The following HERC2 variants were observed in gnomAD, a reference collection of about 807,000 sequenced individuals.
HERC2 encodes HECT and RLD domain containing E3 ubiquitin protein ligase 2.
HERC2 carries 102 observed loss-of-function variants against 537.7 expected under a neutral mutation model. The observed-to-expected ratio is 0.19, with a 90% CI of 0.16 to 0.22. HERC2 has a LOEUF of 0.22. HERC2 is among the 10% of genes least tolerant of loss of function. The probability of loss-of-function intolerance (pLI) is 1.00; values close to 1 mark genes in which losing one functional copy is unlikely to be tolerated. For missense variants in HERC2, 4,236 were observed against 6,198.2 expected (o/e 0.68, Z 10.63); for synonymous variants, 2,224 against 2,466.2 (o/e 0.90, Z 2.91).
chr15:28,262,793 C>G, intron 15 of HERC2, 125 bp downstream of exon 15: 1 of 981,938 alleles, frequency 1.0e-6, no homozygotes, highest in Non-Finnish European at 1.5e-6. Flanking sequence ...CATGGAATGT[C>G]AGGTTAAGAA....
chr15:28,221,014 C>T (rs1900473258), intron 36 of HERC2, among the ~76,000 whole-genome samples: 1 of 148,390 alleles, frequency 6.7e-6, no homozygotes. Flanking sequence ...GTGCCCTGCC[C>T]TGGTCCTTCC....
intron 21 of HERC2, 77 bp from the exon 22 acceptor site, chr15:28,246,974 C>G: frequency 1.7e-6 from 2 of 1,203,480 alleles, no homozygotes; most frequent in Non-Finnish European, 2.4e-6. Flanking sequence ...CTCCATGATG[C>G]TATTCTCATC....
chr15:28,142,724 T>C, intron 75 of HERC2, 103 bp downstream of exon 75: 1 of 1,286,970 alleles, frequency 7.8e-7, no homozygotes, highest in Non-Finnish European at 1.1e-6. Context: ...TACCTACAGC[T>C]GCCCTCAGAG....
intron 24 of HERC2, 115 bp downstream of exon 24, chr15:28,238,487 A>C: frequency 3.6e-6 from 3 of 834,746 alleles, no homozygotes; most frequent in Non-Finnish European, 5.7e-6. Context: ...CCACAGATAC[A>C]TTAAAATATG....
In HERC2 at chr15:28,117,274, T is replaced by C. The variant is rs1271983430; in HGVS notation, c.13273-120A>G. 3.0e-6 allele frequency: 3 copies of C among 1,006,008 alleles called. No individual in the cohort carries two copies. The African/African-American group carries it at 4.7e-5, about 16-fold the overall frequency. The allele number at this position is 1,006,008 out of a possible 1,614,324, so 62.3% of individuals were successfully genotyped here. On this transcript the variant is annotated intron_variant, in intron 86 of 92. Coordinates refer to ENST00000261609, the MANE Select transcript of HERC2 (RefSeq NM_004667.6). ...GCACCGTGCATGGGCCCCTCCCTGG[T>C]CACACACCTGCTTGTGTGGACGCCA... is the stretch of plus-strand genomic sequence containing the variant.
chr15:28,124,004 T>C lies in HERC2; in HGVS notation c.13188+33A>G, dbSNP rs1446278054. 6.6e-6 allele frequency: 10 copies of C among 1,526,308 alleles called. 1 individual carries two copies. In the South Asian group the frequency reaches 1.1e-4, roughly 18 times the overall value. 94.5% of individuals were successfully genotyped at this position (1,526,308 alleles called of 1,614,324 possible). A position where few individuals can be genotyped will look rare whatever the true frequency, so the allele number is the denominator to read the frequency against. ...GGGTTACATGTACTGAAGACACCAGTTTCCCCTAGAGCAAAGATTGCCACT... is the reference window on the plus strand; with the variant it reads ...GGGTTACATGTACTGAAGACACCAGCTTCCCCTAGAGCAAAGATTGCCACT... On this transcript the variant is annotated intron_variant, in intron 85 of 92. Coordinates refer to ENST00000261609, the MANE Select transcript of HERC2 (RefSeq NM_004667.6).
At chr15:28,163,059 T>C (rs756546399) in intron 69 of HERC2, 35 bp downstream of exon 69, 11 of 1,556,098 alleles carry the variant, frequency 7.1e-6, no homozygotes, top group African/African-American at 6.8e-5. Context: ...ATGGAGGAGG[T>C]GGAATCAGAC....
In HERC2 at chr15:28,215,767, G is replaced by A. The variant is rs374218320; in HGVS notation, c.6064C>T (p.Arg2022Trp). ...PNRLVYREQH[R>W]SWCTLGFVRS... The stretch of plus-strand genomic sequence containing the variant: ...ACAAACCCCAGCGTGCACCAGCTCC[G>A]GTGTTGCTCCCTGTACACCAGCCTG... The change falls in exon 39 of 93, where the codon CGG becomes TGG. Residue 2022 changes from arginine (R) to tryptophan (W), a missense_variant. Physicochemically the swap from Arg to Trp is moderately radical, Grantham distance 101. Transcript: ENST00000261609. The A allele has an allele frequency of 1.7e-5, 27 of 1,611,760 alleles. No homozygotes were observed. Among genetic ancestry groups the A allele is most frequent in the South Asian group, 4.4e-5 (4 of 90,992 alleles).
intron 23 of HERC2, among the ~76,000 whole-genome samples, chr15:28,241,749 G>A (rs1015844932): frequency 4.0e-5 from 6 of 151,464 alleles, no homozygotes; most frequent in African/African-American, 1.2e-4. Context: ...GAACCTGGGA[G>A]ACAGAGGTTG....
In HERC2 at chr15:28,176,327, G is replaced by A; in HGVS notation, c.9686+101C>T. ...AAGATGCATGCATAAGTAAAAAGAGGACACGTCACAATCACGCCGGGTGAG... is the reference window on the plus strand; with the variant it reads ...AAGATGCATGCATAAGTAAAAAGAGAACACGTCACAATCACGCCGGGTGAG... On this transcript the variant is annotated intron_variant, in intron 63 of 92. Coordinates refer to ENST00000261609, the MANE Select transcript of HERC2 (RefSeq NM_004667.6). The surrounding 1 kb of genome is among the most constrained non-coding windows in gnomAD (Gnocchi z 5.0). The A allele has an allele frequency of 9.9e-7, 1 of 1,008,934 alleles. No homozygotes were observed. Among genetic ancestry groups the A allele is most frequent in the Non-Finnish European group, 1.5e-6 (1 of 667,252 alleles). 62.5% of individuals were successfully genotyped at this position (1,008,934 alleles called of 1,614,324 possible). A position where few individuals can be genotyped will look rare whatever the true frequency, so the allele number is the denominator to read the frequency against.
intron 70 of HERC2, among the ~76,000 whole-genome samples, chr15:28,150,099 C>T (rs958195966): frequency 1.3e-5 from 2 of 151,904 alleles, no homozygotes; most frequent in African/African-American, 4.8e-5. Flanking sequence ...AGTAAAATTA[C>T]CGAAAAACAC....
In HERC2 at chr15:28,182,396, C is replaced by A; in HGVS notation, c.8937+5G>T. 6.2e-7 allele frequency: 1 copy of A among 1,608,074 alleles called. No individual in the cohort carries two copies. The highest frequency in any genetic ancestry group is 8.5e-7 in the Non-Finnish European group (1 of 1,175,216). On this transcript the variant is annotated splice_donor_5th_base_variant and intron_variant, in intron 57 of 92. Coordinates refer to ENST00000261609, the MANE Select transcript of HERC2 (RefSeq NM_004667.6). ...CCCTGCTGGGTCCCAGGGAGCAGGCCGTACCTTGGAGCCTTTCAGCCCGCC... is the reference window on the plus strand; with the variant it reads ...CCCTGCTGGGTCCCAGGGAGCAGGCAGTACCTTGGAGCCTTTCAGCCCGCC...
At chr15:28,167,117 G>A (rs1266616842) in intron 68 of HERC2, among the ~76,000 whole-genome samples, 1 of 152,220 alleles carries the variant, frequency 6.6e-6, no homozygotes, top group Admixed American at 6.5e-5. Flanking sequence ...GTAAAAGTAT[G>A]ATGAGGAACA....
At chr15:28,315,777 A>G (rs1024552169) in intron 2 of HERC2, 47 of 1,439,188 alleles carry the variant, frequency 3.3e-5, no homozygotes, top group Middle Eastern at 2.4e-4. Context: ...GTAAACCGCT[A>G]GCTTGTTGCA....
At chr15:28,141,240 C>CTT (rs377739906) in intron 78 of HERC2, among the ~76,000 whole-genome samples, 192 bp downstream of exon 78, 1 of 145,576 alleles carries the variant, frequency 6.9e-6, no homozygotes. Flanking sequence ...CTGTCTTAAA[C>CTT]TTTTTTTTTT....
intron 2 of HERC2, among the ~76,000 whole-genome samples, chr15:28,321,118 T>A (rs1038166322): frequency 2.0e-5 from 3 of 152,116 alleles, no homozygotes; most frequent in Non-Finnish European, 2.9e-5. Flanking sequence ...AGGAAAAAAA[T>A]TTTGCCTATT....
At position 28,304,048 on chromosome 15, in the gene HERC2, GC is replaced by G. The variant is rs1242758134; in HGVS notation, c.73-4533del. Among the ~76,000 whole-genome samples, 3 of 151,304 alleles carry G rather than the reference GC, an allele frequency of 2.0e-5. No individual in the cohort carries two copies. The East Asian group carries it at 5.8e-4, about 29-fold the overall frequency. On this transcript the variant is annotated intron_variant, in intron 2 of 92. Coordinates refer to ENST00000261609, the MANE Select transcript of HERC2 (RefSeq NM_004667.6). ...AGGCCTGGTGGCAGGCGCCTGTAAT[GC>G]CAGCTACTCAGGCAGCTAAGGCAGG...
chr15:28,313,559 T>C (rs1425820216), intron 2 of HERC2, among the ~76,000 whole-genome samples: 2 of 152,242 alleles, frequency 1.3e-5, no homozygotes, highest in African/African-American at 2.4e-5. Context: ...ATCTGATTAA[T>C]GTATAGGTTA....
At chr15:28,224,434 T>C (rs1206539812) in intron 35 of HERC2, among the ~76,000 whole-genome samples, 1 of 152,134 alleles carries the variant, frequency 6.6e-6, no homozygotes, top group Admixed American at 6.5e-5. Context: ...GTTGCCCAAG[T>C]TGGTCTCAAA....
Sources: gnomAD v4.1 joint callset for allele counts (sites outside exome capture counted in the v4.1 genomes callset) on GRCh38, gnomAD v4.1.1 for gene constraint, Gnocchi (gnomAD v3.1) non-coding constraint, MANE v1.5 for transcripts, NCBI Gene and HGNC (gene_info 2026-07-23, HGNC 2026-07-21) for gene names.